The following RGS9 variants were observed in gnomAD, a reference collection of about 807,000 sequenced individuals.
RGS9 encodes the protein regulator of G-protein signalling 9.
Under a neutral mutation model 102.0 loss-of-function variants are expected in RGS9, and 78 were observed. That is an observed-to-expected ratio of 0.76 (90% CI 0.64 to 0.92). RGS9 has a LOEUF of 0.92. RGS9 is among the 40% of genes least tolerant of loss of function. The pLI, the probability that RGS9 is intolerant of heterozygous loss-of-function variation, is 0.00. For synonymous variants in RGS9, 353 were observed against 318.6 expected (o/e 1.11, Z -1.15); for missense variants, 833 against 866.1 (o/e 0.96, Z 0.48).
At chr17:65,165,327 A>G (rs1014402785) in intron 7 of RGS9, among the ~76,000 whole-genome samples, 3 of 152,142 alleles carry the variant, frequency 2.0e-5, no homozygotes, top group Admixed American at 6.5e-5. Flanking sequence ...TCATTCTTCC[A>G]GGTGCCTTGG....
chr17:65,144,568 G>A (rs1465082436), intron 1 of RGS9, among the ~76,000 whole-genome samples: 1 of 152,226 alleles, frequency 6.6e-6, no homozygotes, highest in Non-Finnish European at 1.5e-5. Flanking sequence ...TGGGAACGAA[G>A]CGGGGCTGAT....
In RGS9 at chr17:65,192,410, T is replaced by C. The variant is rs139432210; in HGVS notation, c.747-1133T>C. On this transcript the variant is annotated intron_variant, in intron 11 of 18. Coordinates refer to ENST00000262406, the MANE Select transcript of RGS9 (RefSeq NM_003835.4). ...CAGGAGGATTGCTTGAGTCTAGGAG[T>C]TGAAGACCAGCCTGGGCAACATAGT... Among the ~76,000 whole-genome samples the C allele has an allele frequency of 4.7e-3, 717 of 151,796 alleles. 6 individuals are homozygous for C. Among genetic ancestry groups the C allele is most frequent in the East Asian group, 0.024 (123 of 5,146 alleles).
rs968978926 is a variant in RGS9, at chr17:65,193,629, C to G, written c.833C>G (p.Thr278Ser). The G allele has an allele frequency of 3.1e-6, 5 of 1,613,148 alleles. No individual in the cohort carries two copies. The highest frequency in any genetic ancestry group is 4.2e-6 in the Non-Finnish European group (5 of 1,179,204). Reference sequence around the variant, plus strand: ...AGCAACCCCTGGATCACCGATGACACCCAGTTCTGGGACTTAAATGCCAAA... The same window carrying G: ...AGCAACCCCTGGATCACCGATGACAGCCAGTTCTGGGACTTAAATGCCAAA... ...LPSNPWITDDTQFWDLNAKLV... is the reference protein window; with the variant it reads ...LPSNPWITDDSQFWDLNAKLV... Residue 278 changes from threonine (T) to serine (S), a missense_variant, in exon 12 of 19, where the codon ACC (threonine) becomes AGC (serine). Around this residue, in one of 3 missense-constraint regions of RGS9, gnomAD observed 328 missense variants for 340.6 expected, o/e 0.96. Coordinates refer to ENST00000262406, the MANE Select transcript of RGS9 (RefSeq NM_003835.4).
chr17:65,168,637 C>G (rs753207978), intron 8 of RGS9, among the ~76,000 whole-genome samples: 22 of 150,062 alleles, frequency 1.5e-4, no homozygotes, highest in Admixed American at 5.4e-4. Flanking sequence ...AATGGAGGCG[C>G]CAATGCAGAA....
intron 8 of RGS9, among the ~76,000 whole-genome samples, chr17:65,169,244 C>G (rs1911315319): frequency 6.6e-6 from 1 of 152,180 alleles, no homozygotes; most frequent in Admixed American, 6.5e-5. Flanking sequence ...GTGTTCCACT[C>G]TGTAGCGGCA....
At position 65,225,004 on chromosome 17, in the gene RGS9, G is replaced by A. The variant is rs200149534; in HGVS notation, c.1410G>A (p.Pro470=). ...CTCTCTCCTTTCCTTCTCTACAGCC[G>A]GGCCAGCACATGGCTCCCAGCCCCC... ...EAANTVDITQ[P]GQHMAPSPHL... The change falls in exon 18 of 19, where the codon CCG becomes CCA. Residue 470 remains proline, a splice_region_variant and synonymous_variant. Coordinates refer to ENST00000262406, the MANE Select transcript of RGS9 (RefSeq NM_003835.4). 3.2e-5 allele frequency: 51 copies of A among 1,613,672 alleles called. No homozygotes were observed. The highest frequency in any genetic ancestry group is 6.7e-5 in the East Asian group (3 of 44,848).
rs756591315 is a variant in RGS9, at chr17:65,181,025, C to T, written c.654+3222C>T. Among the ~76,000 whole-genome samples the T allele has an allele frequency of 4.1e-4, 63 of 152,218 alleles. 3 individuals carry two copies. On this transcript the variant is annotated intron_variant, in intron 9 of 18. Coordinates refer to ENST00000262406, the MANE Select transcript of RGS9 (RefSeq NM_003835.4). ...AGTATTCCATGGTATATATGTACCA[C>T]ATTTTCTTCATCCAGTCTACCAATG...
intron 6 of RGS9, among the ~76,000 whole-genome samples, chr17:65,161,263 T>G (rs1186658944): frequency 1.3e-5 from 2 of 152,088 alleles, no homozygotes; most frequent in African/African-American, 2.4e-5. Flanking sequence ...GTTTTTTTTG[T>G]TTTTTTGAGA....
intron 9 of RGS9, among the ~76,000 whole-genome samples, chr17:65,180,215 A>C (rs375135151): frequency 1.3e-5 from 2 of 152,184 alleles, no homozygotes; most frequent in South Asian, 4.1e-4. Flanking sequence ...TGCCAAGAGC[A>C]TGAAGCATCT....
At chr17:65,156,375 C>T (rs1458081407) in intron 2 of RGS9, among the ~76,000 whole-genome samples, 1 of 152,246 alleles carries the variant, frequency 6.6e-6, no homozygotes, top group Non-Finnish European at 1.5e-5. Flanking sequence ...CTTTCCTTCC[C>T]TGCACACGGG....
At chr17:65,147,093 G>A (rs1331768092) in intron 1 of RGS9, among the ~76,000 whole-genome samples, 1 of 152,124 alleles carries the variant, frequency 6.6e-6, no homozygotes, top group Non-Finnish European at 1.5e-5. Flanking sequence ...TTCCCTCATT[G>A]CTGCTGGACC....
At chr17:65,155,020 C>T (rs192101412) in intron 2 of RGS9, among the ~76,000 whole-genome samples, 1 of 152,314 alleles carries the variant, frequency 6.6e-6, no homozygotes, top group African/African-American at 2.4e-5. Flanking sequence ...GGTTTCCTTG[C>T]ATGCAAGCAA....
At chr17:65,204,110 C>T in intron 14 of RGS9, 53 bp from the exon 15 acceptor site, 1 of 1,607,150 alleles carries the variant, frequency 6.2e-7, no homozygotes, top group South Asian at 1.1e-5. Context: ...TGTGAGCTAT[C>T]CATGAATTGA....
chr17:65,155,906 G>A (rs1910749601), intron 2 of RGS9, among the ~76,000 whole-genome samples: 1 of 152,106 alleles, frequency 6.6e-6, no homozygotes, highest in South Asian at 2.1e-4. Context: ...TTGCACATGG[G>A]GTTATGGAGA....
chr17:65,166,378 C>T lies in RGS9; in HGVS notation c.501-1822C>T, dbSNP rs550438261. 5.9e-5 allele frequency among the ~76,000 whole-genome samples: 9 copies of T among 152,296 alleles called. No homozygotes were observed. In the East Asian group the frequency reaches 7.7e-4, roughly 13 times the overall value. On this transcript the variant is annotated intron_variant, in intron 7 of 18. Transcript: ENST00000262406. Reference sequence around the variant, plus strand: ...ATGCTGCATGATGGTACTCTGTTTCCTTATGGCAAATAATGCAATTTGCAA... The same window carrying T: ...ATGCTGCATGATGGTACTCTGTTTCTTTATGGCAAATAATGCAATTTGCAA...
At chr17:65,151,375 A>C (rs1910574593) in intron 1 of RGS9, among the ~76,000 whole-genome samples, 1 of 151,252 alleles carries the variant, frequency 6.6e-6, no homozygotes, top group Non-Finnish European at 1.5e-5. Flanking sequence ...TTCAGCTGAT[A>C]TTATTTCCAT....
chr17:65,197,078 C>T, intron 12 of RGS9, 48 bp from the exon 13 acceptor site: 1 of 1,396,388 alleles, frequency 7.2e-7, no homozygotes, highest in East Asian at 2.4e-5. Flanking sequence ...AGGCCACCAC[C>T]TGTCACAACC....
intron 8 of RGS9, among the ~76,000 whole-genome samples, chr17:65,177,244 C>A (rs1911677526): frequency 6.6e-6 from 1 of 151,738 alleles, no homozygotes; most frequent in South Asian, 2.1e-4. Flanking sequence ...ATTCATTCAT[C>A]CATCCACCCA....
chr17:65,205,717 A>G (rs1913034207), intron 15 of RGS9, among the ~76,000 whole-genome samples: 1 of 151,766 alleles, frequency 6.6e-6, no homozygotes, highest in Admixed American at 6.6e-5. Context: ...GTAATGTGTT[A>G]TAGGCTATCT....
Sources: allele counts gnomAD v4.1 joint callset (sites outside exome capture counted in the v4.1 genomes callset), GRCh38; gene constraint gnomAD v4.1.1; regional missense constraint gnomAD v4.1.1; transcripts MANE v1.5; gene names NCBI Gene and HGNC (gene_info 2026-07-23, HGNC 2026-07-21).